The following KLF13 variants were observed in gnomAD, a reference collection of about 807,000 sequenced individuals.
KLF13 encodes KLF transcription factor 13.
Under a neutral mutation model 16.7 loss-of-function variants are expected in KLF13, and 8 were observed. The ratio of observed to expected loss-of-function variants is 0.48; its 90% CI spans 0.28 to 0.87. The LOEUF (loss-of-function observed/expected upper bound fraction) is 0.87, where lower values mean the gene tolerates loss of function less well. Among genes scored for constraint, KLF13 ranks in the 40% least tolerant of loss-of-function variants. The pLI, the probability that KLF13 is intolerant of heterozygous loss-of-function variation, is 0.10. For missense variants in KLF13, 447 were observed against 452.2 expected (o/e 0.99, Z 0.10); for synonymous variants, 245 against 208.4 (o/e 1.18, Z -1.51).
chr15:31,432,502 G>A (rs1371583128), intron 1 of KLF13, among the ~76,000 whole-genome samples: 1 of 148,126 alleles, frequency 6.8e-6, no homozygotes, highest in Non-Finnish European at 1.5e-5. Context: ...AGGCTGGAGT[G>A]CAGTGGTGTG....
At chr15:31,363,861 G>A (rs960576935) in intron 1 of KLF13, among the ~76,000 whole-genome samples, 2 of 152,230 alleles carry the variant, frequency 1.3e-5, no homozygotes, top group Non-Finnish European at 2.9e-5. Context: ...CTCCTAGAAT[G>A]TTTGTGGTTT....
intron 1 of KLF13, among the ~76,000 whole-genome samples, chr15:31,367,725 A>G (rs1166021216): frequency 3.3e-5 from 5 of 152,220 alleles, no homozygotes; most frequent in African/African-American, 9.6e-5. Context: ...AAGAGCAACA[A>G]TAACAGCTGA....
intron 1 of KLF13, among the ~76,000 whole-genome samples, chr15:31,425,206 C>T (rs1165494022): frequency 6.6e-6 from 1 of 152,136 alleles, no homozygotes; most frequent in Non-Finnish European, 1.5e-5. Context: ...AATGTTCATA[C>T]TACCCAAAGA....
rs565521914 is a variant in KLF13, at chr15:31,377,860, C to T, written c.*5561C>T. On this transcript the variant is annotated 3_prime_UTR_variant, in exon 2 of 2. Coordinates refer to ENST00000307145, the MANE Select transcript of KLF13 (RefSeq NM_015995.4). ...TTTAACGTGTATGCATGTTTAGTGA[C>T]GTTTACATTTTGAAATAAAATTTAT... The T allele has an allele frequency of 5.2e-5, 8 of 152,588 alleles. No homozygotes were observed. The South Asian group carries it at 6.2e-4, about 12-fold the overall frequency. The allele number at this position is 152,588 out of a possible 1,614,324, so 9.5% of individuals were successfully genotyped here. A position where few individuals can be genotyped will look rare whatever the true frequency, so the allele number is the denominator to read the frequency against.
chr15:31,329,430 C>T (rs190098233), intron 1 of KLF13, among the ~76,000 whole-genome samples: 45,669 of 151,482 alleles, frequency 0.3, 7,039 homozygotes, highest in Non-Finnish European at 0.34. Flanking sequence ...TTTCTACGGC[C>T]TCTGTCAGGG....
chr15:31,345,897 C>T (rs1299173807), intron 1 of KLF13, among the ~76,000 whole-genome samples: 2 of 152,196 alleles, frequency 1.3e-5, no homozygotes, highest in East Asian at 1.9e-4. Flanking sequence ...CCCCACCTCT[C>T]ACCCCTGGTT....
chr15:31,402,983 G>A (rs1348164883), intron 2 of KLF13, among the ~76,000 whole-genome samples: 1 of 149,120 alleles, frequency 6.7e-6, no homozygotes, highest in Non-Finnish European at 1.5e-5. Flanking sequence ...GACGCACAGG[G>A]CCAGGTCCCT....
chr15:31,335,016 A>G (rs1272931888), intron 1 of KLF13, among the ~76,000 whole-genome samples: 1 of 152,208 alleles, frequency 6.6e-6, no homozygotes, highest in Non-Finnish European at 1.5e-5. Flanking sequence ...CCCAACCAAA[A>G]GCTCTGCCAT....
At chr15:31,424,906 A>ACACACACACACACACACACACAC in intron 1 of KLF13, among the ~76,000 whole-genome samples, 1 of 48,520 alleles carries the variant, frequency 2.1e-5, no homozygotes, top group African/African-American at 7.3e-5. Flanking sequence ...CACACACACA[A>ACACACACACACACACACACACAC]AGCTCTTAGA....
At chr15:31,381,194 G>A (rs535751898), downstream of KLF13, among the ~76,000 whole-genome samples, 190 of 121,626 alleles carry the variant, frequency 1.6e-3, no homozygotes, top group African/African-American at 5.2e-3. Context: ...AAAATAGAAT[G>A]CCTATTCCTG....
chr15:31,413,198 AAAAACAAAAAAC>A (rs1176428098), intron 1 of KLF13, among the ~76,000 whole-genome samples: 2 of 147,242 alleles, frequency 1.4e-5, no homozygotes, highest in African/African-American at 4.9e-5. Flanking sequence ...AAAAAAAAAA[AAAAACAAAAAAC>A]AAAAAAACCA....
At chr15:31,395,696 G>C (rs1026732288) in intron 2 of KLF13, among the ~76,000 whole-genome samples, 9 of 152,046 alleles carry the variant, frequency 5.9e-5, no homozygotes, top group African/African-American at 2.2e-4. Context: ...GATGTGAAGT[G>C]GTACCTTATT....
chr15:31,352,255 A>G, intron 1 of KLF13, among the ~76,000 whole-genome samples: 1 of 152,146 alleles, frequency 6.6e-6, no homozygotes, highest in African/African-American at 2.4e-5. Context: ...GGGTCCTGAG[A>G]TCTTGCAGTC....
chr15:31,353,289 A>T (rs2039244829), intron 1 of KLF13, among the ~76,000 whole-genome samples: 1 of 152,260 alleles, frequency 6.6e-6, no homozygotes, highest in African/African-American at 2.4e-5. Context: ...CTGGAGAGGA[A>T]GTCACGCCCA....
At chr15:31,339,990 G>A in intron 1 of KLF13, 1 of 702,418 alleles carries the variant, frequency 1.4e-6, no homozygotes, top group Non-Finnish European at 2.6e-6. Flanking sequence ...GGAGCCAGGT[G>A]AGGATCCAGG....
chr15:31,398,141 A>G (rs1200330985), intron 2 of KLF13, among the ~76,000 whole-genome samples: 1 of 152,200 alleles, frequency 6.6e-6, no homozygotes, highest in Non-Finnish European at 1.5e-5. Context: ...TTGCCTGGAC[A>G]GGTTCCCACC....
intron 1 of KLF13, among the ~76,000 whole-genome samples, chr15:31,345,146 C>T (rs2039091285): frequency 6.6e-6 from 1 of 152,194 alleles, no homozygotes; most frequent in African/African-American, 2.4e-5. Flanking sequence ...GCTGTGAGAT[C>T]CCAGGCAGAG....
At position 31,327,480 on chromosome 15, in the gene KLF13, C is replaced by T; in HGVS notation, c.268C>T (p.Arg90Trp). Residue 90 changes from arginine to tryptophan, a missense_variant, in exon 1 of 2, where the codon CGG (arginine) becomes TGG (tryptophan). Arg to Trp is a moderately radical substitution (Grantham distance 101, BLOSUM62 -3). Coordinates refer to ENST00000307145, the MANE Select transcript of KLF13 (RefSeq NM_015995.4). ...GGAGCGCAGGGAGGGCGCCGCGGCCCGGAAGGCGAGGACCCCCTGCCGCCT... is the reference window on the plus strand; with the variant it reads ...GGAGCGCAGGGAGGGCGCCGCGGCCTGGAAGGCGAGGACCCCCTGCCGCCT... ...PAERREGAAA[R>W]KARTPCRLPP... The T allele has an allele frequency of 2.5e-6, 3 of 1,204,170 alleles. No homozygotes were observed. The highest frequency in any genetic ancestry group is 3.1e-6 in the Non-Finnish European group (3 of 970,470). The allele number at this position is 1,204,170 out of a possible 1,614,324, so 74.6% of individuals were successfully genotyped here.
At chr15:31,368,784 G>A (rs1386971941) in intron 1 of KLF13, among the ~76,000 whole-genome samples, 1 of 152,098 alleles carries the variant, frequency 6.6e-6, no homozygotes, top group Non-Finnish European at 1.5e-5. Context: ...CCTGGGAGGT[G>A]GAGGCTGCAG....
Sources: gnomAD v4.1 joint callset for allele counts (sites outside exome capture counted in the v4.1 genomes callset) on GRCh38, gnomAD v4.1.1 for gene constraint, MANE v1.5 for transcripts, NCBI Gene and HGNC (gene_info 2026-07-23, HGNC 2026-07-21) for gene names.